TERF2: variants seen among roughly 807,000 people sequenced by gnomAD.
TERF2 encodes the protein telomeric repeat-binding factor 2.
In TERF2, 16 loss-of-function variants were observed where a neutral mutation model predicts 56.1. The ratio of observed to expected loss-of-function variants is 0.29; its 90% CI spans 0.19 to 0.43. The LOEUF (loss-of-function observed/expected upper bound fraction) is 0.43, where lower values mean the gene tolerates loss of function less well. Ranked by LOEUF, TERF2 falls within the 20% of genes least tolerant of loss-of-function variation. The probability of loss-of-function intolerance (pLI) is 1.00; values close to 1 mark genes in which losing one functional copy is unlikely to be tolerated. For synonymous variants in TERF2, 296 were observed against 282.1 expected, an observed-to-expected ratio of 1.05 and a Z score of -0.50; for missense variants, 547 against 712.9, an observed-to-expected ratio of 0.77 and a Z score of 2.65.
chr16:69,358,346 CTG>C (rs2012999299), intron 8 of TERF2, among the ~76,000 whole-genome samples: 1 of 152,096 alleles, frequency 6.6e-6, no homozygotes, highest in South Asian at 2.1e-4. Flanking sequence ...TAGGGTTTCA[CTG>C]TGTTAGCCAG....
At chr16:69,374,168 T>G (rs1445401060) in intron 3 of TERF2, among the ~76,000 whole-genome samples, 1 of 152,244 alleles carries the variant, frequency 6.6e-6, no homozygotes, top group Non-Finnish European at 1.5e-5. Flanking sequence ...GTTTTTACTT[T>G]TTTAATCATA....
chr16:69,372,246 G>A (rs2013603912), intron 4 of TERF2, 23 bp downstream of exon 4: 2 of 1,554,472 alleles, frequency 1.3e-6, no homozygotes, highest in Non-Finnish European at 8.8e-7. Flanking sequence ...TAAGTCACAG[G>A]AGCAAAAATG....
At chr16:69,381,307 C>G (rs2013992426) in intron 3 of TERF2, among the ~76,000 whole-genome samples, 1 of 152,082 alleles carries the variant, frequency 6.6e-6, no homozygotes, top group Non-Finnish European at 1.5e-5. Context: ...AAAATGACTG[C>G]CAAATACCCA....
chr16:69,362,801 C>G (rs189742183), intron 7 of TERF2, among the ~76,000 whole-genome samples: 5 of 152,278 alleles, frequency 3.3e-5, no homozygotes, highest in African/African-American at 1.2e-4. Context: ...TGGAAAGTGT[C>G]TGAATTCAGA....
Position 69,355,799 on chromosome 16 carries a change from C to T in TERF2, c.*1099G>A. 1 of 162,394 alleles carries T rather than the reference C, an allele frequency of 6.2e-6. No homozygotes were observed. Among genetic ancestry groups the T allele is most frequent in the South Asian group, 1.6e-4 (1 of 6,112 alleles). 10.1% of individuals were successfully genotyped at this position (162,394 alleles called of 1,614,324 possible). A position where few individuals can be genotyped will look rare whatever the true frequency, so the allele number is the denominator to read the frequency against. ...CAATTAGGGAATCAGGAGGAAGCAACCATTTCACAAAGAATGAAATTAGGC... is the reference window on the plus strand; with the variant it reads ...CAATTAGGGAATCAGGAGGAAGCAATCATTTCACAAAGAATGAAATTAGGC... On this transcript the variant is annotated 3_prime_UTR_variant, in exon 10 of 10. Transcript: ENST00000254942.
chr16:69,374,370 CTGTAATCCCAGTGCTT>C (rs1482901241), intron 3 of TERF2, among the ~76,000 whole-genome samples: 1 of 152,036 alleles, frequency 6.6e-6, no homozygotes, highest in Non-Finnish European at 1.5e-5. Flanking sequence ...TGGCTCATAA[CTGTAATCCCAGTGCTT>C]TGGGAAACTG....
At chr16:69,376,518 T>C (rs920861001) in intron 3 of TERF2, among the ~76,000 whole-genome samples, 34 of 152,060 alleles carry the variant, frequency 2.2e-4, no homozygotes, top group African/African-American at 8.2e-4. Flanking sequence ...TGCTTTTCCA[T>C]ATGTTTTAGA....
chr16:69,379,874 G>C (rs2013931447), intron 3 of TERF2, among the ~76,000 whole-genome samples: 1 of 152,044 alleles, frequency 6.6e-6, no homozygotes, highest in South Asian at 2.1e-4. Flanking sequence ...GCTCATAACT[G>C]CTTCTGTATT....
At chr16:69,378,659 C>T (rs2013882824) in intron 3 of TERF2, among the ~76,000 whole-genome samples, 1 of 152,110 alleles carries the variant, frequency 6.6e-6, no homozygotes, top group African/African-American at 2.4e-5. Context: ...CTATTCATCA[C>T]TGGTTTGGTG....
rs2014125318 is a variant in TERF2, at chr16:69,384,710, T to C, written c.476A>G (p.Asp159Gly). The C allele has an allele frequency of 6.3e-7, 1 of 1,597,978 alleles. No individual in the cohort carries two copies. The highest frequency in any genetic ancestry group is 1.3e-5 in the African/African-American group (1 of 74,288). ...LSRIEEGENLDCSFDMEAELT... is the reference protein window; with the variant it reads ...LSRIEEGENLGCSFDMEAELT... The stretch of plus-strand genomic sequence containing the variant: ...CTCAGCCTCCATATCAAAGGAACAG[T>C]CTAGGACAAAGCACAGTTTTCATTT... Residue 159 changes from aspartate (D) to glycine (G), a missense_variant and splice_region_variant, in exon 3 of 10, where the codon GAC becomes GGC. Asp to Gly is a moderately conservative substitution (Grantham distance 94). Coordinates refer to ENST00000254942, the MANE Select transcript of TERF2 (RefSeq NM_005652.5).
intron 6 of TERF2, among the ~76,000 whole-genome samples, chr16:69,367,577 T>G (rs369471446): frequency 6.6e-6 from 1 of 152,106 alleles, no homozygotes; most frequent in Non-Finnish European, 1.5e-5. Context: ...GAGCAGGATC[T>G]TGAGAATTCT....
chr16:69,385,562 T>TGC, intron 1 of TERF2, 31 bp downstream of exon 1: 2 of 930,738 alleles, frequency 2.1e-6, no homozygotes, highest in Non-Finnish European at 3.2e-6. Flanking sequence ...TCCCCGGCGC[T>TGC]CCAACCCCCC....
chr16:69,381,711 G>A (rs891130711), intron 3 of TERF2, among the ~76,000 whole-genome samples: 10 of 151,778 alleles, frequency 6.6e-5, no homozygotes, highest in African/African-American at 9.7e-5. Flanking sequence ...GAACTCCTAG[G>A]CTCAAGCGAT....
Position 69,356,061 on chromosome 16 carries a change from C to T in TERF2, c.*837G>A, listed in dbSNP as rs966902172. 9 of 374,468 alleles carry T rather than the reference C, an allele frequency of 2.4e-5. No individual in the cohort carries two copies. The highest frequency in any genetic ancestry group is 1.3e-4 in the African/African-American group (6 of 47,254). The allele number at this position is 374,468 out of a possible 1,614,324, so 23.2% of individuals were successfully genotyped here. ...GCAGACAGGTCTAGGGTTGATGTCACGACTGGCTAAAGAGTTTTTAAAGGG... is the reference window on the plus strand; with the variant it reads ...GCAGACAGGTCTAGGGTTGATGTCATGACTGGCTAAAGAGTTTTTAAAGGG... On this transcript the variant is annotated 3_prime_UTR_variant, in exon 10 of 10. Coordinates refer to ENST00000254942, the MANE Select transcript of TERF2 (RefSeq NM_005652.5).
chr16:69,367,587 T>C (rs565287798), intron 6 of TERF2, among the ~76,000 whole-genome samples: 19 of 152,242 alleles, frequency 1.2e-4, no homozygotes, highest in Middle Eastern at 3.4e-3. Flanking sequence ...TTGAGAATTC[T>C]CAGAGTAAAA....
intron 3 of TERF2, among the ~76,000 whole-genome samples, chr16:69,377,333 T>G (rs1027649279): frequency 2.0e-5 from 3 of 152,088 alleles, no homozygotes; most frequent in Admixed American, 6.5e-5. Flanking sequence ...CAGTCTTAAT[T>G]TTTTTTCTTT....
At position 69,356,946 on chromosome 16, in the gene TERF2, C is replaced by G; in HGVS notation, c.1581G>C (p.Val527=). ...KNYPFVNRTA[V]MIKDRWRTMK... ...TGGTCCGCCAGCGATCCTTAATCAT[C>G]ACAGCTGTTCGGTTAACAAATGGGT... The change falls in exon 10 of 10, where the codon GTG becomes GTC. Residue 527 remains valine, a synonymous_variant. Transcript: ENST00000254942. The G allele has an allele frequency of 6.2e-7, 1 of 1,614,018 alleles. No individual in the cohort carries two copies. Among genetic ancestry groups the G allele is most frequent in the Non-Finnish European group, 8.5e-7 (1 of 1,179,974 alleles).
intron 3 of TERF2, among the ~76,000 whole-genome samples, chr16:69,381,093 C>T (rs2013983598): frequency 6.6e-6 from 1 of 152,112 alleles, no homozygotes; most frequent in Non-Finnish European, 1.5e-5. Flanking sequence ...GCGTGAGCCA[C>T]CGCGCCCAGC....
In TERF2 at chr16:69,384,608, T is replaced by C. The variant is rs2014120512; in HGVS notation, c.578A>G (p.Glu193Gly). 6.2e-7 allele frequency: 1 copy of C among 1,613,912 alleles called. No individual in the cohort carries two copies. Among genetic ancestry groups the C allele is most frequent in the Non-Finnish European group, 8.5e-7 (1 of 1,180,002 alleles). Residue 193 changes from glutamate (E) to glycine (G), a missense_variant, in exon 3 of 10, where the codon GAA becomes GGA. Physicochemically the swap from Glu to Gly is moderately conservative, Grantham distance 98 (BLOSUM62 -2). Coordinates refer to ENST00000254942, the MANE Select transcript of TERF2 (RefSeq NM_005652.5). The stretch of plus-strand genomic sequence containing the variant: ...TTCCTTGACCAGTTTTCTACTGGAT[T>C]CGACCACTGCTTCTGTCAGTGTAAA... ...TEFTLTEAVVESSRKLVKEAA... is the reference protein window; with the variant it reads ...TEFTLTEAVVGSSRKLVKEAA...
Sources: allele counts gnomAD v4.1 joint callset (sites outside exome capture counted in the v4.1 genomes callset), GRCh38; gene constraint gnomAD v4.1.1; transcripts MANE v1.5; gene names NCBI Gene and HGNC (gene_info 2026-07-23, HGNC 2026-07-21).